Variants in MARS1 observed in about 807,000 individuals in gnomAD.
MARS1 encodes methionine--tRNA ligase, cytoplasmic.
A neutral mutation model predicts 119.5 loss-of-function variants in MARS1; 80 were observed. The ratio of observed to expected loss-of-function variants is 0.67; its 90% CI spans 0.56 to 0.81. The LOEUF (loss-of-function observed/expected upper bound fraction) is 0.81. Ranked by LOEUF, MARS1 falls within the 30% of genes least tolerant of loss-of-function variation. The pLI, the probability that MARS1 is intolerant of heterozygous loss-of-function variation, is 0.00. For synonymous variants in MARS1, 418 were observed against 433.4 expected (o/e 0.96, Z 0.44); for missense variants, 945 against 1,116.5 (o/e 0.85, Z 2.19).
At chr12:57,504,846 G>T (rs1877106828) in intron 11 of MARS1, among the ~76,000 whole-genome samples, 2 of 151,862 alleles carry the variant, frequency 1.3e-5, no homozygotes. Context: ...TGGGATTACA[G>T]GCGTCTGCCA....
intron 7 of MARS1, among the ~76,000 whole-genome samples, chr12:57,494,555 AG>A (rs1876488104): frequency 9.0e-6 from 1 of 110,736 alleles, no homozygotes; most frequent in Non-Finnish European, 1.8e-5. Context: ...TTTCTCGGAG[AG>A]GGGGATTTGG....
rs1381114924 is a variant in MARS1, at chr12:57,515,258, G to T, written c.2313G>T (p.Leu771=). 4 of 1,613,920 alleles carry T rather than the reference G, an allele frequency of 2.5e-6. No individual in the cohort carries two copies. The African/African-American group carries it at 4.0e-5, about 16-fold the overall frequency. Reference sequence around the variant, plus strand: ...TTAGTGCCACAATCCAGGCCCAGCTGCAGCTCCCACCTCCAGCCTGCAGTA... The same window carrying T: ...TTAGTGCCACAATCCAGGCCCAGCTTCAGCTCCCACCTCCAGCCTGCAGTA... ...PTVSATIQAQ[L]QLPPPACSIL... Residue 771 remains leucine, a synonymous_variant, in exon 18 of 21, where the codon CTG becomes CTT. Transcript: ENST00000262027.
At chr12:57,513,924 G>A (rs561464370) in intron 15 of MARS1, among the ~76,000 whole-genome samples, 8 of 151,450 alleles carry the variant, frequency 5.3e-5, no homozygotes, top group African/African-American at 1.5e-4. Context: ...GTAGCCGGGC[G>A]TGGTGGCGCA....
At chr12:57,493,615 T>TA (rs1463258188) in intron 7 of MARS1, among the ~76,000 whole-genome samples, 1 of 550 alleles carries the variant, frequency 1.8e-3, no homozygotes, top group African/African-American at 2.4e-3. Context: ...ATATAATATA[T>TA]TATAATATAT....
chr12:57,488,192 C>G lies in MARS1; in HGVS notation c.102C>G (p.Gly34=). ...GRAEVLISTV[G]PEDCVVPFLT... ...CAGAGGTGCTCATCAGCACTGTAGG[C>G]CCGGAAGGTACTCGTGCTGGTGCTG... Residue 34 remains glycine, a synonymous_variant, in exon 1 of 21, where the codon GGC becomes GGG. Coordinates refer to ENST00000262027, the MANE Select transcript of MARS1 (RefSeq NM_004990.4). The G allele has an allele frequency of 6.2e-7, 1 of 1,611,350 alleles. No homozygotes were observed. Among genetic ancestry groups the G allele is most frequent in the East Asian group, 2.2e-5 (1 of 44,814 alleles).
intron 11 of MARS1, chr12:57,511,497 A>G: frequency 1.7e-6 from 1 of 583,300 alleles, no homozygotes; most frequent in Non-Finnish European, 3.0e-6. Flanking sequence ...GGATTGCTTG[A>G]GCCCAGGAGG....
chr12:57,504,325 GT>G, intron 11 of MARS1, 26 bp downstream of exon 11: 1 of 1,598,810 alleles, frequency 6.3e-7, no homozygotes, highest in Non-Finnish European at 8.6e-7. Flanking sequence ...TCTCAACCTA[GT>G]TTTCAGGAGG....
chr12:57,496,664 C>T (rs994690640), intron 7 of MARS1, among the ~76,000 whole-genome samples: 1 of 151,676 alleles, frequency 6.6e-6, no homozygotes. Flanking sequence ...GAAGTTCCAG[C>T]TACCTGGGAG....
intron 7 of MARS1, among the ~76,000 whole-genome samples, chr12:57,495,692 G>A (rs535777115): frequency 9.3e-4 from 142 of 152,326 alleles, no homozygotes; most frequent in African/African-American, 3.3e-3. Flanking sequence ...TCACGCCACT[G>A]CACTCCAGCC....
In MARS1 at chr12:57,490,534, A is replaced by G; in HGVS notation, c.664-4A>G. 1.2e-6 allele frequency: 2 copies of G among 1,613,940 alleles called. No homozygotes were observed. The highest frequency in any genetic ancestry group is 1.7e-6 in the Non-Finnish European group (2 of 1,179,808). On this transcript the variant is annotated splice_polypyrimidine_tract_variant and splice_region_variant and intron_variant, in intron 6 of 20. Transcript: ENST00000262027. ...TGGTAAGGGATTCTCTCCACTCTTT[A>G]TAGGAGGAGGAGCTGGCTACCCTAT...
Position 57,490,308 on chromosome 12 carries a change from C to T in MARS1, c.592C>T (p.Leu198Phe). Reference protein sequence around the residue: ...TVLKQQGVLALRPYLQKQPQP... With the variant: ...TVLKQQGVLAFRPYLQKQPQP... ...ACTGAAACAGCAAGGTGTCCTGGCTCTCCGGCCTTACCTCCAAAAGCAGCC... is the reference window on the plus strand; with the variant it reads ...ACTGAAACAGCAAGGTGTCCTGGCTTTCCGGCCTTACCTCCAAAAGCAGCC... Residue 198 changes from leucine to phenylalanine, a missense_variant, in exon 6 of 21, where the codon CTC (leucine) becomes TTC (phenylalanine). Coordinates refer to ENST00000262027, the MANE Select transcript of MARS1 (RefSeq NM_004990.4). 1 of 1,612,956 alleles carries T rather than the reference C, an allele frequency of 6.2e-7. No individual in the cohort carries two copies. The highest frequency in any genetic ancestry group is 1.1e-5 in the South Asian group (1 of 91,024).
intron 10 of MARS1, among the ~76,000 whole-genome samples, chr12:57,500,793 T>C (rs1428583577): frequency 6.6e-6 from 1 of 152,250 alleles, no homozygotes. Context: ...TCTACATTTG[T>C]TTAGATCCTT....
rs1877730242 is a variant in MARS1 at position 57,515,165 on chromosome 12, A to G, written c.2220A>G (p.Thr740=). The G allele has an allele frequency of 1.2e-6, 2 of 1,614,124 alleles. No individual in the cohort carries two copies. The highest frequency in any genetic ancestry group is 8.5e-7 in the Non-Finnish European group (1 of 1,180,048). The change falls in exon 18 of 21, where the codon ACA becomes ACG. Residue 740 remains threonine, a synonymous_variant. Transcript: ENST00000262027. ...GSEADRQRAG[T]VTGLAVNIAA... ...TCTTCCTCAGGCAACGGGCAGGAAC[A>G]GTGACTGGCTTGGCAGTGAATATAG...
intron 11 of MARS1, among the ~76,000 whole-genome samples, chr12:57,511,058 G>T (rs768113063): frequency 2.0e-5 from 3 of 151,774 alleles, no homozygotes; most frequent in Non-Finnish European, 2.9e-5. Flanking sequence ...GGGTGACAGT[G>T]AGACCCTGAT....
At chr12:57,509,511 A>G (rs1877406229) in intron 11 of MARS1, among the ~76,000 whole-genome samples, 1 of 152,090 alleles carries the variant, frequency 6.6e-6, no homozygotes, top group Non-Finnish European at 1.5e-5. Context: ...GATTCAAGCG[A>G]TTCTCCTGCC....
chr12:57,502,505 A>G (rs1211188457), intron 10 of MARS1, among the ~76,000 whole-genome samples: 1 of 151,778 alleles, frequency 6.6e-6, no homozygotes, highest in Non-Finnish European at 1.5e-5. Context: ...TCAGGAGTTC[A>G]GACCAGTCTG....
intron 11 of MARS1, among the ~76,000 whole-genome samples, chr12:57,507,744 C>T (rs1311954807): frequency 1.2e-4 from 15 of 125,588 alleles, no homozygotes; most frequent in Admixed American, 4.8e-4. Context: ...GGCGGCTGGC[C>T]GGGCGGGGGC....
intron 1 of MARS1, 79 bp downstream of exon 1, chr12:57,488,278 C>A: frequency 7.3e-7 from 1 of 1,378,448 alleles, no homozygotes; most frequent in Non-Finnish European, 1.0e-6. Flanking sequence ...CTGTCTTTGC[C>A]AAACCCCTAG....
intron 4 of MARS1, 84 bp downstream of exon 4, chr12:57,489,642 C>T: frequency 1.3e-6 from 2 of 1,544,954 alleles, no homozygotes; most frequent in Non-Finnish European, 1.8e-6. Flanking sequence ...GTGTTCGAAC[C>T]CAACACTGCC....
Sources: allele counts gnomAD v4.1 joint callset (sites outside exome capture counted in the v4.1 genomes callset), GRCh38; gene constraint gnomAD v4.1.1; transcripts MANE v1.5; gene names NCBI Gene and HGNC (gene_info 2026-07-23, HGNC 2026-07-21).